The following DCC variants were observed in gnomAD, a reference collection of about 807,000 sequenced individuals.
The protein encoded by DCC is DCC netrin 1 receptor.
Under a neutral mutation model 172.5 loss-of-function variants are expected in DCC, and 58 were observed. The observed-to-expected ratio is 0.34, with a 90% CI of 0.27 to 0.42. The LOEUF (loss-of-function observed/expected upper bound fraction) is 0.42, where lower values mean the gene tolerates loss of function less well. Ranked by LOEUF, DCC falls within the 10% of genes least tolerant of loss-of-function variation. The probability of loss-of-function intolerance (pLI) is 1.00; values close to 1 mark genes in which losing one functional copy is unlikely to be tolerated. For missense variants in DCC, 1,740 were observed against 1,791.0 expected, an observed-to-expected ratio of 0.97 and a Z score of 0.51; for synonymous variants, 709 against 644.5, an observed-to-expected ratio of 1.10 and a Z score of -1.52.
chr18:53,111,261 A>C (rs1449362176), intron 7 of DCC, among the ~76,000 whole-genome samples: 1 of 70,128 alleles, frequency 1.4e-5, no homozygotes, highest in African/African-American at 5.9e-5. Context: ...GGGTGGGGGG[A>C]GGGGGGAGGG....
intron 1 of DCC, among the ~76,000 whole-genome samples, chr18:52,341,418 T>C (rs979978874): frequency 2.0e-5 from 3 of 152,170 alleles, no homozygotes; most frequent in Non-Finnish European, 2.9e-5. Context: ...TTTTGGTACT[T>C]CCAAGGAGGG....
intron 1 of DCC, among the ~76,000 whole-genome samples, chr18:52,734,954 C>G (rs149088745): frequency 6.6e-6 from 1 of 152,038 alleles, no homozygotes; most frequent in African/African-American, 2.4e-5. Context: ...AGCCCTGATA[C>G]TTGTAAATTC....
intron 12 of DCC, among the ~76,000 whole-genome samples, chr18:53,249,953 A>C (rs773751777): frequency 6.6e-6 from 1 of 151,992 alleles, no homozygotes; most frequent in African/African-American, 2.4e-5. Flanking sequence ...TAATCACAGA[A>C]TACTCTGCTC....
chr18:52,404,125 G>A (rs1986545208), intron 1 of DCC, among the ~76,000 whole-genome samples: 1 of 151,954 alleles, frequency 6.6e-6, no homozygotes. Context: ...GCGGTACAAT[G>A]ATACATGGAC....
At chr18:53,316,990 AG>A (rs2057351002) in intron 13 of DCC, among the ~76,000 whole-genome samples, 1 of 152,242 alleles carries the variant, frequency 6.6e-6, no homozygotes, top group African/African-American at 2.4e-5. Context: ...TATTTTGAAT[AG>A]GGATGGTGAG....
chr18:53,255,070 T>C (rs1381755724), intron 12 of DCC, among the ~76,000 whole-genome samples: 2 of 151,926 alleles, frequency 1.3e-5, no homozygotes, highest in African/African-American at 2.4e-5. Flanking sequence ...CGTCTGAAAG[T>C]GCTTTCCTGT....
intron 1 of DCC, among the ~76,000 whole-genome samples, chr18:52,374,468 A>C (rs1300969717): frequency 6.6e-6 from 1 of 152,032 alleles, no homozygotes; most frequent in Non-Finnish European, 1.5e-5. Flanking sequence ...GGTACTGATG[A>C]TGTTTACTTG....
chr18:52,688,905 A>T (rs1470784714), intron 1 of DCC, among the ~76,000 whole-genome samples: 1 of 152,128 alleles, frequency 6.6e-6, no homozygotes. Flanking sequence ...ACAGTAACTT[A>T]TTAATATTAC....
chr18:52,426,677 T>G (rs1987439442), intron 1 of DCC, among the ~76,000 whole-genome samples: 1 of 152,070 alleles, frequency 6.6e-6, no homozygotes, highest in Non-Finnish European at 1.5e-5. Context: ...TCTGCTTTAG[T>G]TAGTCTTTGT....
chr18:53,160,685 G>A (rs142407286), intron 8 of DCC, among the ~76,000 whole-genome samples: 55 of 152,182 alleles, frequency 3.6e-4, no homozygotes, highest in African/African-American at 1.3e-3. Flanking sequence ...ACATTTATCA[G>A]GCAGTCTCTC....
At chr18:52,567,840 G>A (rs2144752463) in intron 1 of DCC, among the ~76,000 whole-genome samples, 2 of 152,032 alleles carry the variant, frequency 1.3e-5, no homozygotes, top group Non-Finnish European at 2.9e-5. Flanking sequence ...AGAGAGGTGA[G>A]GGAATTCCTT....
chr18:52,539,903 C>CA (rs560557417), intron 1 of DCC, among the ~76,000 whole-genome samples: 114 of 151,926 alleles, frequency 7.5e-4, no homozygotes, highest in African/African-American at 2.4e-3. Context: ...ACAACAACAA[C>CA]AAAAAAACCC....
chr18:53,400,892 CA>C (rs945616420), intron 18 of DCC, among the ~76,000 whole-genome samples: 8 of 152,242 alleles, frequency 5.3e-5, no homozygotes, highest in Admixed American at 1.3e-4. Context: ...AAACAAACAT[CA>C]ATTTGAATTT....
chr18:53,029,200 G>A (rs1169831683), intron 5 of DCC, among the ~76,000 whole-genome samples: 2 of 152,044 alleles, frequency 1.3e-5, no homozygotes, highest in African/African-American at 4.8e-5. Flanking sequence ...TTTTTAGCCA[G>A]TTATAACTCA....
At chr18:53,181,936 C>T (rs1428012460) in intron 9 of DCC, among the ~76,000 whole-genome samples, 1 of 152,206 alleles carries the variant, frequency 6.6e-6, no homozygotes, top group East Asian at 1.9e-4. Flanking sequence ...CCAGATCATA[C>T]TGCATCCACC....
At chr18:52,530,337 CAAGAAA>C (rs1568214761) in intron 1 of DCC, among the ~76,000 whole-genome samples, 1 of 152,102 alleles carries the variant, frequency 6.6e-6, no homozygotes, top group Non-Finnish European at 1.5e-5. Context: ...AAGTTCATTA[CAAGAAA>C]AACAGTAAGT....
chr18:52,510,568 G>A (rs2031401018), intron 1 of DCC, among the ~76,000 whole-genome samples: 1 of 152,082 alleles, frequency 6.6e-6, no homozygotes, highest in Non-Finnish European at 1.5e-5. Context: ...ACTCACCATG[G>A]TGCCCTTATT....
chr18:52,816,349 C>G (rs934284090), intron 2 of DCC, among the ~76,000 whole-genome samples: 1 of 152,174 alleles, frequency 6.6e-6, no homozygotes, highest in Non-Finnish European at 1.5e-5. Context: ...CGAAAACATT[C>G]CTCTCTCAGC....
At chr18:52,773,079 T>C (rs1258211224) in intron 2 of DCC, among the ~76,000 whole-genome samples, 1 of 152,138 alleles carries the variant, frequency 6.6e-6, no homozygotes, top group African/African-American at 2.4e-5. Flanking sequence ...CCCCACCACA[T>C]CCTCCAGAGG....
Sources: gnomAD v4.1 joint callset for allele counts (sites outside exome capture counted in the v4.1 genomes callset) on GRCh38, gnomAD v4.1.1 for gene constraint, MANE v1.5 for transcripts, NCBI Gene and HGNC (gene_info 2026-07-23, HGNC 2026-07-21) for gene names.